LRRC4C: variants seen among roughly 807,000 people sequenced by gnomAD.
LRRC4C encodes leucine rich repeat containing 4C, also known as leucine-rich repeat-containing protein 4C.
Under a neutral mutation model 33.6 loss-of-function variants are expected in LRRC4C, and 5 were observed. That is an observed-to-expected ratio of 0.15 (90% CI 0.08 to 0.31). LRRC4C has a LOEUF of 0.31. LRRC4C is among the 10% of genes least tolerant of loss of function. LRRC4C has a pLI of 1.00. For synonymous variants in LRRC4C, 329 were observed against 302.0 expected, an observed-to-expected ratio of 1.09 and a Z score of -0.93; for missense variants, 560 against 796.7, an observed-to-expected ratio of 0.70 and a Z score of 3.58.
At chr11:40,329,904 G>C (rs1946281255) in intron 3 of LRRC4C, among the ~76,000 whole-genome samples, 1 of 151,840 alleles carries the variant, frequency 6.6e-6, no homozygotes, top group African/African-American at 2.4e-5. Flanking sequence ...AACACACCCG[G>C]CTAATTTTTT....
At chr11:40,307,341 T>G (rs1945090769) in intron 4 of LRRC4C, among the ~76,000 whole-genome samples, 1 of 152,178 alleles carries the variant, frequency 6.6e-6, no homozygotes, top group Non-Finnish European at 1.5e-5. Flanking sequence ...TGTTCCCTAT[T>G]CCCCAGCATA....
intron 5 of LRRC4C, among the ~76,000 whole-genome samples, chr11:40,231,836 T>C (rs896759863): frequency 1.3e-5 from 2 of 152,232 alleles, no homozygotes; most frequent in Non-Finnish European, 2.9e-5. Flanking sequence ...TTTCTCCTTA[T>C]TTAAACACTG....
intron 1 of LRRC4C, among the ~76,000 whole-genome samples, chr11:41,424,836 C>T (rs1954986054): frequency 6.6e-6 from 1 of 151,948 alleles, no homozygotes; most frequent in South Asian, 2.1e-4. Flanking sequence ...AATATAGATA[C>T]TTCTGAAGTA....
At chr11:41,379,750 T>TA (rs1003316142) in intron 1 of LRRC4C, among the ~76,000 whole-genome samples, 77 of 151,806 alleles carry the variant, frequency 5.1e-4, no homozygotes, top group African/African-American at 1.7e-3. Context: ...ATGTTAGGGG[T>TA]AAAAAAAGGG....
chr11:41,035,400 GC>G (rs890682722), intron 1 of LRRC4C, among the ~76,000 whole-genome samples: 12 of 151,860 alleles, frequency 7.9e-5, no homozygotes, highest in Admixed American at 3.3e-4. Flanking sequence ...TACTCAACAG[GC>G]CCCAATGTGT....
At chr11:40,959,732 T>C (rs576002910) in intron 1 of LRRC4C, among the ~76,000 whole-genome samples, 2 of 151,812 alleles carry the variant, frequency 1.3e-5, no homozygotes, top group South Asian at 4.1e-4. Context: ...AGCACAGTGC[T>C]CTAGCAAAAG....
chr11:41,273,058 A>T (rs775790614), intron 1 of LRRC4C, among the ~76,000 whole-genome samples: 6 of 152,198 alleles, frequency 3.9e-5, no homozygotes, highest in Admixed American at 6.5e-5. Context: ...TATTCTAGTG[A>T]AGAAAACAGA....
intron 1 of LRRC4C, among the ~76,000 whole-genome samples, chr11:41,090,018 A>T (rs1940291516): frequency 1.3e-5 from 2 of 151,870 alleles, no homozygotes; most frequent in African/African-American, 4.9e-5. Context: ...TGATATTCAA[A>T]AAAAAATTCA....
chr11:40,194,590 G>A (rs1393198607), intron 5 of LRRC4C, among the ~76,000 whole-genome samples: 1 of 151,698 alleles, frequency 6.6e-6, no homozygotes, highest in Non-Finnish European at 1.5e-5. Context: ...TGGGCACAGT[G>A]GGGGGAACAT....
chr11:40,198,859 A>G (rs1862478041), intron 5 of LRRC4C, among the ~76,000 whole-genome samples: 1 of 152,222 alleles, frequency 6.6e-6, no homozygotes, highest in South Asian at 2.1e-4. Context: ...TGATACAAAA[A>G]TGTAAACCAT....
At chr11:40,458,277 TCATA>T (rs1303259197) in intron 3 of LRRC4C, among the ~76,000 whole-genome samples, 1 of 152,134 alleles carries the variant, frequency 6.6e-6, no homozygotes, top group Admixed American at 6.6e-5. Context: ...TGAACTACTA[TCATA>T]TATACGTATA....
At chr11:41,295,170 A>G (rs1950102938) in intron 1 of LRRC4C, among the ~76,000 whole-genome samples, 1 of 152,214 alleles carries the variant, frequency 6.6e-6, no homozygotes, top group African/African-American at 2.4e-5. Flanking sequence ...ACCAAGATAC[A>G]TATCCAAAAA....
chr11:41,217,116 G>A (rs11036293), intron 1 of LRRC4C, among the ~76,000 whole-genome samples: 22,858 of 152,050 alleles, frequency 0.15, 2,648 homozygotes, highest in East Asian at 0.44. Flanking sequence ...TGATTTATAT[G>A]GACAGTGAGT....
chr11:41,381,497 C>A (rs1411334319), intron 1 of LRRC4C, among the ~76,000 whole-genome samples: 1 of 151,800 alleles, frequency 6.6e-6, no homozygotes. Flanking sequence ...CATGGTAGCA[C>A]ACACCTGTAA....
At chr11:40,403,557 G>T (rs1311959833) in intron 3 of LRRC4C, among the ~76,000 whole-genome samples, 1 of 152,028 alleles carries the variant, frequency 6.6e-6, no homozygotes, top group Admixed American at 6.6e-5. Flanking sequence ...GGACAAGGTG[G>T]TCTATGAAAA....
At chr11:41,061,011 T>C (rs963177480) in intron 1 of LRRC4C, among the ~76,000 whole-genome samples, 2 of 150,490 alleles carry the variant, frequency 1.3e-5, no homozygotes, top group African/African-American at 4.9e-5. Flanking sequence ...CACAGGTGCA[T>C]TTCCTTCCAA....
intron 3 of LRRC4C, among the ~76,000 whole-genome samples, chr11:40,574,374 G>C (rs74864086): frequency 0.017 from 2,615 of 152,208 alleles, 39 homozygotes; most frequent in South Asian, 0.034. Flanking sequence ...CTTAAGAGGT[G>C]CCCATGTATC....
chr11:41,381,681 A>G (rs1953160358), intron 1 of LRRC4C, among the ~76,000 whole-genome samples: 1 of 151,816 alleles, frequency 6.6e-6, no homozygotes, highest in Non-Finnish European at 1.5e-5. Flanking sequence ...CAATTCTAAA[A>G]TGAGTAAGCA....
chr11:40,210,517 G>C (rs1168754003), intron 5 of LRRC4C, among the ~76,000 whole-genome samples: 1 of 152,104 alleles, frequency 6.6e-6, no homozygotes, highest in African/African-American at 2.4e-5. Flanking sequence ...TGCTTTACCT[G>C]CTGCAGGATG....
Sources: gnomAD v4.1 joint callset for allele counts (sites outside exome capture counted in the v4.1 genomes callset) on GRCh38, gnomAD v4.1.1 for gene constraint, MANE v1.5 for transcripts, NCBI Gene and HGNC (gene_info 2026-07-23, HGNC 2026-07-21) for gene names.